SETBP1: variants seen among roughly 807,000 people sequenced by gnomAD.
SETBP1 encodes the protein SET binding protein 1.
SETBP1 carries 9 observed loss-of-function variants against 101.0 expected under a neutral mutation model. That is an observed-to-expected ratio of 0.09 (90% CI 0.05 to 0.16). The LOEUF (loss-of-function observed/expected upper bound fraction) is 0.16, where lower values mean the gene tolerates loss of function less well. Among genes scored for constraint, SETBP1 ranks in the 10% least tolerant of loss-of-function variants. The pLI, the probability that SETBP1 is intolerant of heterozygous loss-of-function variation, is 1.00. For synonymous variants in SETBP1, 818 were observed against 788.5 expected (o/e 1.04, Z -0.63); for missense variants, 1,858 against 2,033.8 (o/e 0.91, Z 1.66).
intron 2 of SETBP1, among the ~76,000 whole-genome samples, chr18:44,716,093 A>G (rs1192970165): frequency 1.3e-5 from 2 of 151,782 alleles, no homozygotes; most frequent in Admixed American, 6.6e-5. Flanking sequence ...TTAAATACCA[A>G]TTTCCCTTTG....
chr18:44,825,284 C>T (rs1036059972), intron 2 of SETBP1, among the ~76,000 whole-genome samples: 2 of 152,190 alleles, frequency 1.3e-5, no homozygotes, highest in African/African-American at 4.8e-5. Flanking sequence ...CTGGCTCCTT[C>T]AAGGCTCTGA....
chr18:45,061,083 T>C (rs1039752342), intron 5 of SETBP1, among the ~76,000 whole-genome samples: 1 of 152,276 alleles, frequency 6.6e-6, no homozygotes, highest in Non-Finnish European at 1.5e-5. Context: ...TTGCTTGGAA[T>C]ACTGTCAAGT....
chr18:44,697,758 C>A (rs759430557), intron 1 of SETBP1, among the ~76,000 whole-genome samples: 5 of 152,156 alleles, frequency 3.3e-5, no homozygotes, highest in Admixed American at 6.5e-5. Context: ...AATGTCAGTC[C>A]GGCCAAGGAG....
intron 2 of SETBP1, among the ~76,000 whole-genome samples, chr18:44,719,304 A>C (rs2069534014): frequency 6.6e-6 from 1 of 152,168 alleles, no homozygotes; most frequent in Non-Finnish European, 1.5e-5. Flanking sequence ...AGAGCTGACC[A>C]CTTCATGGAG....
At chr18:44,805,002 A>G (rs1260425989) in intron 2 of SETBP1, among the ~76,000 whole-genome samples, 2 of 152,074 alleles carry the variant, frequency 1.3e-5, no homozygotes, top group Non-Finnish European at 1.5e-5. Flanking sequence ...TAAGCCTTAG[A>G]CACAAGGCTG....
intron 2 of SETBP1, among the ~76,000 whole-genome samples, chr18:44,769,489 T>A (rs2070829119): frequency 6.6e-6 from 1 of 152,252 alleles, no homozygotes; most frequent in African/African-American, 2.4e-5. Flanking sequence ...AAAAGATACC[T>A]ATTTAGATTG....
At chr18:44,875,630 G>A (rs575507923) in intron 3 of SETBP1, among the ~76,000 whole-genome samples, 1 of 151,020 alleles carries the variant, frequency 6.6e-6, no homozygotes, top group East Asian at 2.0e-4. Flanking sequence ...GGTAATGCAT[G>A]TTCACCCTGC....
chr18:44,790,423 A>G (rs2071345999), intron 2 of SETBP1, among the ~76,000 whole-genome samples: 1 of 152,228 alleles, frequency 6.6e-6, no homozygotes, highest in African/African-American at 2.4e-5. Context: ...AGATAATCAT[A>G]CATTAATTTT....
chr18:44,829,588 C>T (rs1364533308), intron 2 of SETBP1, among the ~76,000 whole-genome samples: 1 of 152,162 alleles, frequency 6.6e-6, no homozygotes, highest in African/African-American at 2.4e-5. Context: ...AATCTCAACT[C>T]ATCATTAGGC....
intron 2 of SETBP1, among the ~76,000 whole-genome samples, chr18:44,706,199 A>G (rs985669759): frequency 2.0e-5 from 3 of 152,224 alleles, no homozygotes; most frequent in African/African-American, 7.2e-5. Context: ...AAACTTACTC[A>G]GGTAAGTGAC....
intron 2 of SETBP1, among the ~76,000 whole-genome samples, chr18:44,791,968 C>T (rs958834080): frequency 6.6e-6 from 1 of 152,152 alleles, no homozygotes; most frequent in African/African-American, 2.4e-5. Context: ...CAGAACCATG[C>T]ACTTCAGTCC....
chr18:44,930,151 G>T (rs1284838285), intron 3 of SETBP1, among the ~76,000 whole-genome samples: 1 of 152,184 alleles, frequency 6.6e-6, no homozygotes, highest in African/African-American at 2.4e-5. Context: ...ATGAAGCGCT[G>T]TTGAATTTTG....
chr18:44,725,637 A>G (rs953658833), intron 2 of SETBP1, among the ~76,000 whole-genome samples: 1 of 152,112 alleles, frequency 6.6e-6, no homozygotes, highest in Admixed American at 6.5e-5. Flanking sequence ...CTTTAGGGTC[A>G]TTTTGCCAAT....
chr18:44,733,503 T>C (rs1452184666), intron 2 of SETBP1, among the ~76,000 whole-genome samples: 1 of 152,208 alleles, frequency 6.6e-6, no homozygotes, highest in South Asian at 2.1e-4. Flanking sequence ...CTGTGGAGTC[T>C]GGTGTTTTCT....
chr18:44,929,477 C>T (rs945511833), intron 3 of SETBP1, among the ~76,000 whole-genome samples: 2 of 152,140 alleles, frequency 1.3e-5, no homozygotes, highest in African/African-American at 4.8e-5. Flanking sequence ...TGAAGAAAGT[C>T]ATTGGTAGCT....
intron 3 of SETBP1, among the ~76,000 whole-genome samples, chr18:44,930,811 T>C (rs998328895): frequency 1.6e-4 from 24 of 152,172 alleles, no homozygotes; most frequent in Admixed American, 1.4e-3. Flanking sequence ...ATTGTGTCTA[T>C]TTGAGTCTTC....
intron 2 of SETBP1, among the ~76,000 whole-genome samples, chr18:44,774,818 A>G (rs1446457531): frequency 6.6e-6 from 1 of 152,052 alleles, no homozygotes; most frequent in Non-Finnish European, 1.5e-5. Context: ...ATTGAGACAA[A>G]TGACTGTACC....
At position 44,952,852 on chromosome 18, in the gene SETBP1, G is replaced by A. The variant is rs2145113210; in HGVS notation, c.3512G>A (p.Ser1171Asn). ...DRILGTHDNL[S>N]GLFAGKATGF... is the part of the protein sequence containing the mutation. ...ATCCTAGGGACCCATGACAACCTGAGTGGTCTTTTTGCAGGCAAAGCCACA... is the reference window on the plus strand; with the variant it reads ...ATCCTAGGGACCCATGACAACCTGAATGGTCTTTTTGCAGGCAAAGCCACA... Residue 1171 changes from serine to asparagine, a missense_variant, in exon 4 of 6, where the codon AGT becomes AAT. By Grantham distance (46) the Ser-to-Asn change is conservative (BLOSUM62 1). This residue lies in a region of SETBP1 where 417 missense variants were observed against 389.1 expected (regional missense o/e 1.07). Coordinates refer to ENST00000649279, the MANE Select transcript of SETBP1 (RefSeq NM_015559.3). The A allele has an allele frequency of 6.2e-7, 1 of 1,614,146 alleles. No homozygotes were observed. The highest frequency in any genetic ancestry group is 1.6e-4 in the Middle Eastern group (1 of 6,062).
At chr18:44,694,525 C>T (rs957594327) in intron 1 of SETBP1, among the ~76,000 whole-genome samples, 1 of 152,220 alleles carries the variant, frequency 6.6e-6, no homozygotes, top group African/African-American at 2.4e-5. Context: ...GCATTTTAAG[C>T]TACCAACTTA....
Sources: allele counts gnomAD v4.1 joint callset (sites outside exome capture counted in the v4.1 genomes callset), GRCh38; gene constraint gnomAD v4.1.1; regional missense constraint gnomAD v4.1.1; transcripts MANE v1.5; gene names NCBI Gene and HGNC (gene_info 2026-07-23, HGNC 2026-07-21).